CDH10: variants seen among roughly 807,000 people sequenced by gnomAD.
The protein encoded by CDH10 is cadherin 10.
A neutral mutation model predicts 73.1 loss-of-function variants in CDH10; 30 were observed. The ratio of observed to expected loss-of-function variants is 0.41; its 90% CI spans 0.31 to 0.56. The LOEUF is 0.56. CDH10 is among the 20% of genes least tolerant of loss of function. CDH10 has a pLI of 0.27. For missense variants in CDH10, 815 were observed against 973.7 expected (o/e 0.84, Z 2.17); for synonymous variants, 345 against 348.2 (o/e 0.99, Z 0.10).
intron 1 of CDH10, among the ~76,000 whole-genome samples, chr5:24,626,157 G>A (rs1047234080): frequency 1.3e-5 from 2 of 152,068 alleles, no homozygotes; most frequent in African/African-American, 4.8e-5. Context: ...TAATTTCATG[G>A]ATCAGATTCT....
At chr5:24,630,180 G>A (rs116803882) in intron 1 of CDH10, among the ~76,000 whole-genome samples, 2,634 of 152,228 alleles carry the variant, frequency 0.017, 36 homozygotes, top group Non-Finnish European at 0.025. Flanking sequence ...ATGATCGACA[G>A]TAAAGAGAGG....
intron 1 of CDH10, among the ~76,000 whole-genome samples, chr5:24,621,457 C>G (rs1747314322): frequency 6.6e-6 from 1 of 152,182 alleles, no homozygotes. Flanking sequence ...ACAAAACCAG[C>G]AAACTCACTG....
At chr5:24,552,809 A>G (rs984357550) in intron 2 of CDH10, among the ~76,000 whole-genome samples, 6 of 151,974 alleles carry the variant, frequency 3.9e-5, no homozygotes, top group Non-Finnish European at 7.4e-5. Flanking sequence ...AAATTCTTCC[A>G]TAACTTCTTA....
chr5:24,506,895 C>T (rs549587554), intron 7 of CDH10, among the ~76,000 whole-genome samples: 4 of 152,212 alleles, frequency 2.6e-5, no homozygotes, highest in Admixed American at 2.0e-4. Context: ...TGAATTAATT[C>T]TTGTAGTTCA....
intron 1 of CDH10, among the ~76,000 whole-genome samples, chr5:24,596,158 T>C (rs1011583181): frequency 2.0e-5 from 3 of 152,060 alleles, no homozygotes; most frequent in African/African-American, 7.2e-5. Context: ...CAGTTAGTTC[T>C]TCCTAGTTAT....
At chr5:24,584,984 C>T (rs1259196503) in intron 2 of CDH10, among the ~76,000 whole-genome samples, 3 of 151,716 alleles carry the variant, frequency 2.0e-5, no homozygotes, top group African/African-American at 7.3e-5. Flanking sequence ...GTAGCTGGGA[C>T]TACAGGCACG....
intron 2 of CDH10, among the ~76,000 whole-genome samples, chr5:24,570,165 A>G (rs925749848): frequency 6.6e-6 from 1 of 152,136 alleles, no homozygotes; most frequent in Admixed American, 6.5e-5. Flanking sequence ...ATTTGTAGAA[A>G]CTTTTGCATA....
Position 24,584,475 on chromosome 5 carries a change from T to TGTGAGA in CDH10, c.231+8784_231+8785insTCTCAC, listed in dbSNP as rs775491066. 5.0e-3 allele frequency among the ~76,000 whole-genome samples: 396 copies of TGTGAGA among 79,684 alleles called. 1 individual carries two copies. The highest frequency in any genetic ancestry group is 7.6e-3 in the Non-Finnish European group (315 of 41,512). The allele number at this position is 79,684 out of a possible 152,430, so 52.3% of individuals were successfully genotyped here. A position where few individuals can be genotyped will look rare whatever the true frequency, so the allele number is the denominator to read the frequency against. The stretch of plus-strand genomic sequence containing the variant: ...TTTTTTTTTTTTTTTTGTGTGTGTG[T>TGTGAGA]GAGAGAGAGAGAGAGAGAGAGAGTC... On this transcript the variant is annotated intron_variant, in intron 2 of 11. Coordinates refer to ENST00000264463, the MANE Select transcript of CDH10 (RefSeq NM_006727.5).
chr5:24,571,972 AT>A (rs1439993599), intron 2 of CDH10, among the ~76,000 whole-genome samples: 1 of 149,926 alleles, frequency 6.7e-6, no homozygotes, highest in East Asian at 2.0e-4. Context: ...ACTGCTACAA[AT>A]AAAAAAAAAA....
intron 1 of CDH10, among the ~76,000 whole-genome samples, chr5:24,619,903 T>C (rs1469840123): frequency 2.0e-5 from 3 of 152,180 alleles, no homozygotes; most frequent in Non-Finnish European, 2.9e-5. Context: ...TCTTGGAGTT[T>C]CCAGCCTTCA....
chr5:24,515,386 C>G (rs906275729), intron 5 of CDH10, among the ~76,000 whole-genome samples: 1 of 152,148 alleles, frequency 6.6e-6, no homozygotes, highest in South Asian at 2.1e-4. Flanking sequence ...CCTATCATAA[C>G]TCATGAGAAT....
chr5:24,637,815 A>G (rs1447310345), intron 1 of CDH10, among the ~76,000 whole-genome samples: 1 of 151,870 alleles, frequency 6.6e-6, no homozygotes, highest in Non-Finnish European at 1.5e-5. Context: ...AAGTACTATC[A>G]AAAATTTCAA....
chr5:24,568,220 G>A (rs986655021), intron 2 of CDH10, among the ~76,000 whole-genome samples: 7 of 151,778 alleles, frequency 4.6e-5, no homozygotes, highest in Admixed American at 6.6e-5. Flanking sequence ...TTGGAAATAC[G>A]ACATCCATAA....
chr5:24,638,009 G>T (rs916801936), intron 1 of CDH10, among the ~76,000 whole-genome samples: 1 of 151,718 alleles, frequency 6.6e-6, no homozygotes, highest in East Asian at 1.9e-4. Context: ...TCAAGATTAT[G>T]GTTGCCATTC....
chr5:24,545,188 T>A (rs1384409669), intron 2 of CDH10, among the ~76,000 whole-genome samples: 1 of 152,188 alleles, frequency 6.6e-6, no homozygotes, highest in Non-Finnish European at 1.5e-5. Flanking sequence ...CACTGAATTA[T>A]GAAAATTATC....
At chr5:24,585,329 C>A (rs1418323528) in intron 2 of CDH10, among the ~76,000 whole-genome samples, 4 of 152,120 alleles carry the variant, frequency 2.6e-5, no homozygotes, top group Admixed American at 2.0e-4. Flanking sequence ...TCAACAAGAT[C>A]AGTCATCAAT....
chr5:24,593,062 A>T (rs532247418), intron 2 of CDH10, among the ~76,000 whole-genome samples, 198 bp downstream of exon 2: 3 of 152,032 alleles, frequency 2.0e-5, no homozygotes, highest in Non-Finnish European at 2.9e-5. Context: ...ATTCTAATAA[A>T]TAAATTTATG....
intron 1 of CDH10, among the ~76,000 whole-genome samples, chr5:24,602,541 G>A (rs7720811): frequency 0.28 from 43,179 of 151,988 alleles, 7,629 homozygotes; most frequent in African/African-American, 0.49. Flanking sequence ...TACTTACTAC[G>A]TGATGTTACA....
intron 9 of CDH10, among the ~76,000 whole-genome samples, chr5:24,495,297 G>T (rs1209128866): frequency 6.6e-6 from 1 of 152,164 alleles, no homozygotes; most frequent in Non-Finnish European, 1.5e-5. Flanking sequence ...TTGAAGAAAA[G>T]TGCACAGAGA....
Sources: gnomAD v4.1 joint callset for allele counts (sites outside exome capture counted in the v4.1 genomes callset) on GRCh38, gnomAD v4.1.1 for gene constraint, MANE v1.5 for transcripts, NCBI Gene and HGNC (gene_info 2026-07-23, HGNC 2026-07-21) for gene names.